CFAP299: variants seen among roughly 807,000 people sequenced by gnomAD.
The protein encoded by CFAP299 is cilia and flagella associated protein 299.
CFAP299 carries 21 observed loss-of-function variants against 27.0 expected under a neutral mutation model. That is an observed-to-expected ratio of 0.78 (90% CI 0.55 to 1.12). The LOEUF is 1.12. Among genes scored for constraint, CFAP299 ranks in the 50% most tolerant of loss-of-function variants. CFAP299 has a pLI of 0.00. For synonymous variants in CFAP299, 104 were observed against 98.1 expected, an observed-to-expected ratio of 1.06 and a Z score of -0.36; for missense variants, 310 against 276.6, an observed-to-expected ratio of 1.12 and a Z score of -0.86.
chr4:80,939,156 C>T (rs1278003951), intron 4 of CFAP299, among the ~76,000 whole-genome samples: 1 of 152,172 alleles, frequency 6.6e-6, no homozygotes, highest in Non-Finnish European at 1.5e-5. Context: ...TGAAGATTAA[C>T]TGATGTTTAG....
chr4:80,431,502 T>C (rs922504786), intron 2 of CFAP299, among the ~76,000 whole-genome samples: 1 of 151,390 alleles, frequency 6.6e-6, no homozygotes, highest in Admixed American at 6.6e-5. Context: ...CTCCTCCTCC[T>C]CCTCCTGTTT....
chr4:80,427,597 T>C (rs1727589606), intron 2 of CFAP299, among the ~76,000 whole-genome samples: 2 of 152,182 alleles, frequency 1.3e-5, no homozygotes, highest in Admixed American at 1.3e-4. Flanking sequence ...AAAGGGCTCA[T>C]TGTTTTAAAA....
chr4:80,800,765 G>GTATACATA, intron 3 of CFAP299, among the ~76,000 whole-genome samples: 67 of 127,360 alleles, frequency 5.3e-4, no homozygotes, highest in African/African-American at 2.2e-3. Context: ...GTGTGTGTGT[G>GTATACATA]TGTATATATA....
chr4:80,893,809 C>T (rs765072126), intron 4 of CFAP299, among the ~76,000 whole-genome samples: 2 of 151,786 alleles, frequency 1.3e-5, no homozygotes, highest in Non-Finnish European at 2.9e-5. Context: ...GTCTGGGCAA[C>T]GATTTTTTAG....
chr4:80,374,589 C>A (rs1448493239), intron 2 of CFAP299, among the ~76,000 whole-genome samples: 2 of 152,096 alleles, frequency 1.3e-5, no homozygotes, highest in African/African-American at 4.8e-5. Context: ...TGTCCCAATC[C>A]CATGTGTCAG....
chr4:80,865,072 G>A (rs1319642325), intron 3 of CFAP299, among the ~76,000 whole-genome samples: 1 of 152,048 alleles, frequency 6.6e-6, no homozygotes, highest in Non-Finnish European at 1.5e-5. Context: ...CCCCTCTCTA[G>A]CTACATATCC....
rs1435285713 is a variant in CFAP299, at chr4:80,868,905, C to CTCTCTCTCTGTG, written c.334-1087_334-1086insCTCTCTCTGTGT. Among the ~76,000 whole-genome samples the CTCTCTCTCTGTG allele has an allele frequency of 3.4e-3, 462 of 137,658 alleles. 1 individual carries two copies. Among genetic ancestry groups the CTCTCTCTCTGTG allele is most frequent in the Middle Eastern group, 7.2e-3 (2 of 278 alleles). 90.3% of individuals were successfully genotyped at this position (137,658 alleles called of 152,430 possible). On this transcript the variant is annotated intron_variant, in intron 3 of 5. Transcript: ENST00000358105. ...ATTCCATGGGTGGGGGCTTCTCTCTCTGTGTGTGTGTGTGTGTGTGTGTGT... is the reference window on the plus strand; with the variant it reads ...ATTCCATGGGTGGGGGCTTCTCTCTCTCTCTCTCTGTGTGTGTGTGTGTGTGTGTGTGTGTGT...
chr4:80,555,667 A>G (rs575254500), intron 2 of CFAP299, among the ~76,000 whole-genome samples: 2 of 152,178 alleles, frequency 1.3e-5, no homozygotes, highest in South Asian at 2.1e-4. Flanking sequence ...TACTGATTCA[A>G]TGTCAGAGTT....
At chr4:80,454,619 A>C (rs1729060700) in intron 2 of CFAP299, among the ~76,000 whole-genome samples, 2 of 152,224 alleles carry the variant, frequency 1.3e-5, no homozygotes, top group African/African-American at 2.4e-5. Context: ...GAGGAAATTG[A>C]AACATAAGAA....
intron 3 of CFAP299, among the ~76,000 whole-genome samples, chr4:80,787,165 C>T (rs1015928775): frequency 7.4e-5 from 11 of 149,178 alleles, no homozygotes; most frequent in Non-Finnish European, 1.5e-4. Flanking sequence ...TTAGATAATG[C>T]GATAATGTCT....
chr4:80,548,605 G>A (rs1328748076), intron 2 of CFAP299, among the ~76,000 whole-genome samples: 1 of 152,032 alleles, frequency 6.6e-6, no homozygotes, highest in African/African-American at 2.4e-5. Flanking sequence ...GATATAAGAA[G>A]CTCAGGTTCT....
chr4:80,455,607 G>C (rs970417736), intron 2 of CFAP299, among the ~76,000 whole-genome samples: 2 of 152,040 alleles, frequency 1.3e-5, no homozygotes, highest in Non-Finnish European at 2.9e-5. Flanking sequence ...AGTAAGAACA[G>C]TGAAGTTGAA....
rs1405835540 is a variant in CFAP299, at chr4:80,800,417, A to G, written c.334-69576A>G. 4.6e-5 allele frequency among the ~76,000 whole-genome samples: 3 copies of G among 64,648 alleles called. 1 individual carries two copies. The highest frequency in any genetic ancestry group is 7.6e-5 in the Non-Finnish European group (3 of 39,572). 42.4% of individuals were successfully genotyped at this position (64,648 alleles called of 152,430 possible). On this transcript the variant is annotated intron_variant, in intron 3 of 5. Transcript: ENST00000358105. ...TAATATAATATATATTGATATATTA[A>G]TATAATATATATAATATATAATATA... is the stretch of plus-strand genomic sequence containing the variant.
At chr4:80,538,839 T>G (rs1195594390) in intron 2 of CFAP299, among the ~76,000 whole-genome samples, 4 of 152,222 alleles carry the variant, frequency 2.6e-5, no homozygotes, top group Non-Finnish European at 4.4e-5. Context: ...GATGCAAGAC[T>G]GTATTTCATT....
intron 3 of CFAP299, among the ~76,000 whole-genome samples, chr4:80,715,135 C>A (rs1024147924): frequency 1.3e-5 from 2 of 152,022 alleles, no homozygotes; most frequent in Admixed American, 1.3e-4. Context: ...ATTAGACTTC[C>A]TGGGCAGAGT....
chr4:80,700,165 A>G (rs966754623), intron 3 of CFAP299, among the ~76,000 whole-genome samples: 1 of 152,090 alleles, frequency 6.6e-6, no homozygotes, highest in African/African-American at 2.4e-5. Context: ...AGGTAGTTAA[A>G]TGTGTAGTTT....
intron 2 of CFAP299, among the ~76,000 whole-genome samples, chr4:80,504,584 G>A (rs1288819255): frequency 1.4e-5 from 2 of 142,222 alleles, no homozygotes; most frequent in Non-Finnish European, 1.5e-5. Flanking sequence ...CTTTTAAAAT[G>A]TGTGCAGTAC....
At chr4:80,946,234 A>G (rs1346701480) in intron 5 of CFAP299, among the ~76,000 whole-genome samples, 1 of 152,220 alleles carries the variant, frequency 6.6e-6, no homozygotes, top group African/African-American at 2.4e-5. Context: ...TTTAAACAGG[A>G]TAGAAGCTGC....
chr4:80,904,239 A>C (rs899454254), intron 4 of CFAP299, among the ~76,000 whole-genome samples: 5 of 152,154 alleles, frequency 3.3e-5, no homozygotes, highest in Admixed American at 6.5e-5. Context: ...TGGTCTGGAG[A>C]ACACTGGATT....
Sources: gnomAD v4.1 joint callset for allele counts (sites outside exome capture counted in the v4.1 genomes callset) on GRCh38, gnomAD v4.1.1 for gene constraint, MANE v1.5 for transcripts, NCBI Gene and HGNC (gene_info 2026-07-23, HGNC 2026-07-21) for gene names.